SCRG1: variants seen among roughly 807,000 people sequenced by gnomAD.
SCRG1 encodes stimulator of chondrogenesis 1.
In SCRG1, 3 loss-of-function variants were observed where a neutral mutation model predicts 7.7. The ratio of observed to expected loss-of-function variants is 0.39; its 90% CI spans 0.18 to 1.01. SCRG1 has a LOEUF of 1.01. Among genes scored for constraint, SCRG1 ranks in the 50% least tolerant of loss-of-function variants. The probability of loss-of-function intolerance (pLI) is 0.36; values close to 1 mark genes in which losing one functional copy is unlikely to be tolerated. For missense variants in SCRG1, 110 were observed against 117.2 expected (o/e 0.94, Z 0.28); for synonymous variants, 46 against 41.2 (o/e 1.12, Z -0.44).
the SCRG1 span, among the ~76,000 whole-genome samples, chr4:173,484,149 G>GT: frequency 1.1e-5 from 1 of 87,600 alleles, no homozygotes; most frequent in East Asian, 3.8e-4. Context: ...ATAGAATATA[G>GT]AATATTTTCT....
chr4:173,450,359 C>G, the SCRG1 span, among the ~76,000 whole-genome samples: 1 of 152,114 alleles, frequency 6.6e-6, no homozygotes, highest in East Asian at 1.9e-4. Flanking sequence ...AGCCTGTACT[C>G]CAGATATTTT....
At chr4:173,428,731 C>A in the SCRG1 span, among the ~76,000 whole-genome samples, 1 of 152,174 alleles carries the variant, frequency 6.6e-6, no homozygotes, top group Non-Finnish European at 1.5e-5. Context: ...AATAGGTGCC[C>A]ACCATCTATT....
chr4:173,442,527 A>C, the SCRG1 span, among the ~76,000 whole-genome samples: 1 of 152,228 alleles, frequency 6.6e-6, no homozygotes, highest in Non-Finnish European at 1.5e-5. Context: ...TGTTCTGAGG[A>C]GTCCTGTAGA....
chr4:173,423,669 A>AAT, the SCRG1 span, among the ~76,000 whole-genome samples: 66,796 of 150,746 alleles, frequency 0.44, 16,229 homozygotes, highest in East Asian at 0.61. Flanking sequence ...TTTTTTTTTA[A>AAT]TTTTTTTTTT....
rs11723871 is a variant in SCRG1 at position 173,387,985 on chromosome 4, T to C, written c.*356A>G. ...GAATCTCAGCTTATACCTGGTTCTT[T>C]CAATATGTGGTTAATAACTGTCAAC... is the stretch of plus-strand genomic sequence containing the variant. On this transcript the variant is annotated 3_prime_UTR_variant, in exon 3 of 3. Coordinates refer to ENST00000296506, the MANE Select transcript of SCRG1 (RefSeq NM_007281.4). 0.93 allele frequency: 160,786 copies of C among 173,712 alleles called. 75,162 individuals are homozygous for C. The highest frequency in any genetic ancestry group is 0.98 in the Non-Finnish European group (81,507 of 82,772). The allele number at this position is 173,712 out of a possible 1,614,324, so 10.8% of individuals were successfully genotyped here.
chr4:173,460,889 G>C, the SCRG1 span, among the ~76,000 whole-genome samples: 1 of 152,314 alleles, frequency 6.6e-6, no homozygotes, highest in Non-Finnish European at 1.5e-5. Flanking sequence ...GCTGACTTAA[G>C]AGACCTTGGG....
rs1739207330 is a variant in SCRG1, at chr4:173,384,965, G to C, written c.*3376C>G. The C allele has an allele frequency of 6.6e-6, 1 of 152,122 alleles. No homozygotes were observed. Among genetic ancestry groups the C allele is most frequent in the Admixed American group, 6.6e-5 (1 of 15,260 alleles). The allele number at this position is 152,122 out of a possible 1,614,324, so 9.4% of individuals were successfully genotyped here. Reference sequence around the variant, plus strand: ...AGGTAATGCTGTTAAACAACATAGTGGTTAAGACTCTAGATGCTAGTGTAA... The same window carrying C: ...AGGTAATGCTGTTAAACAACATAGTCGTTAAGACTCTAGATGCTAGTGTAA... On this transcript the variant is annotated 3_prime_UTR_variant, in exon 3 of 3. Coordinates refer to ENST00000296506, the MANE Select transcript of SCRG1 (RefSeq NM_007281.4).
the SCRG1 span, among the ~76,000 whole-genome samples, chr4:173,460,779 A>G: frequency 2.0e-5 from 3 of 152,146 alleles, no homozygotes; most frequent in Admixed American, 1.3e-4. Context: ...CCACGATTCC[A>G]GGACTTGATT....
chr4:173,477,739 CTT>C, the SCRG1 span, among the ~76,000 whole-genome samples: 9 of 134,424 alleles, frequency 6.7e-5, no homozygotes, highest in Admixed American at 2.2e-4. Flanking sequence ...TCCTTCCTTC[CTT>C]CCTTCCTTCC....
chr4:173,456,897 A>G, the SCRG1 span, among the ~76,000 whole-genome samples: 39 of 152,154 alleles, frequency 2.6e-4, no homozygotes, highest in Non-Finnish European at 4.7e-4. Context: ...AGCAGGTATC[A>G]GGGTCCCTGA....
chr4:173,484,100 T>A, the SCRG1 span, among the ~76,000 whole-genome samples: 2 of 38,200 alleles, frequency 5.2e-5, no homozygotes, highest in African/African-American at 1.6e-4. Flanking sequence ...ATACCATATA[T>A]AATATATAAT....
At chr4:173,504,326 G>C in the SCRG1 span, among the ~76,000 whole-genome samples, 4 of 152,172 alleles carry the variant, frequency 2.6e-5, no homozygotes, top group Non-Finnish European at 4.4e-5. The surrounding 1 kb of genome is among the most constrained non-coding windows in gnomAD (Gnocchi z 4.7). Context: ...TCCGGTAGCC[G>C]TATGGGGGAG....
At chr4:173,483,973 A>C in the SCRG1 span, among the ~76,000 whole-genome samples, 3 of 85,812 alleles carry the variant, frequency 3.5e-5, no homozygotes, top group South Asian at 4.0e-4. Context: ...TATTTTATAT[A>C]ATATATAGTA....
chr4:173,496,137 T>C, the SCRG1 span, among the ~76,000 whole-genome samples: 106 of 152,290 alleles, frequency 7.0e-4, no homozygotes, highest in African/African-American at 2.5e-3. Flanking sequence ...ATTGAGGTTT[T>C]CTTGAAGTCT....
the SCRG1 span, among the ~76,000 whole-genome samples, chr4:173,484,700 G>GCATATAATACATATTATATATTATATA: frequency 3.7e-5 from 3 of 82,022 alleles, no homozygotes; most frequent in African/African-American, 1.6e-4. Context: ...TATATTATAT[G>GCATATAATACATATTATATATTATATA]CATATAATAC....
the SCRG1 span, among the ~76,000 whole-genome samples, chr4:173,457,152 C>T: frequency 5.3e-5 from 8 of 152,194 alleles, no homozygotes; most frequent in Middle Eastern, 3.2e-3. Flanking sequence ...TGACCCATGG[C>T]GCTTAACAAA....
At chr4:173,466,642 TCCAAATGC>T in the SCRG1 span, among the ~76,000 whole-genome samples, 74 of 151,844 alleles carry the variant, frequency 4.9e-4, no homozygotes, top group African/African-American at 1.7e-3. Context: ...AAAGAAAGAG[TCCAAATGC>T]TTAACTCAGT....
the SCRG1 span, among the ~76,000 whole-genome samples, chr4:173,477,976 C>T: frequency 6.6e-6 from 1 of 152,020 alleles, no homozygotes; most frequent in African/African-American, 2.4e-5. Flanking sequence ...CATTATGCTG[C>T]CCAGGCTAGC....
At chr4:173,449,601 C>A in the SCRG1 span, among the ~76,000 whole-genome samples, 5 of 152,156 alleles carry the variant, frequency 3.3e-5, no homozygotes. Context: ...ATGTCTCTCT[C>A]CTGAACTATT....
Sources: gnomAD v4.1 joint callset for allele counts (sites outside exome capture counted in the v4.1 genomes callset) on GRCh38, gnomAD v4.1.1 for gene constraint, Gnocchi (gnomAD v3.1) non-coding constraint, MANE v1.5 for transcripts, NCBI Gene and HGNC (gene_info 2026-07-23, HGNC 2026-07-21) for gene names.